Variants in WNK1 observed in about 807,000 individuals in gnomAD.
WNK1 encodes serine/threonine-protein kinase WNK1.
Under a neutral mutation model 222.8 loss-of-function variants are expected in WNK1, and 38 were observed. The ratio of observed to expected loss-of-function variants is 0.17; its 90% CI spans 0.13 to 0.22. The LOEUF is 0.22. Among genes scored for constraint, WNK1 ranks in the 10% least tolerant of loss-of-function variants. WNK1 has a pLI of 1.00. For missense variants in WNK1, 2,348 were observed against 2,918.4 expected (o/e 0.80, Z 4.50); for synonymous variants, 1,090 against 1,092.9 (o/e 1.00, Z 0.05).
At chr12:829,951 A>AACAG in intron 3 of WNK1, 52 bp from the exon 4 acceptor site, 1 of 1,604,894 alleles carries the variant, frequency 6.2e-7, no homozygotes, top group Admixed American at 1.7e-5. Context: ...CCCGGTGAGT[A>AACAG]ACGTCTGAAG....
Position 885,966 on chromosome 12 carries a change from T to C in WNK1, c.5162T>C (p.Val1721Ala), listed in dbSNP as rs2154084721. 1 of 1,592,102 alleles carries C rather than the reference T, an allele frequency of 6.3e-7. No homozygotes were observed. Among genetic ancestry groups the C allele is most frequent in the Admixed American group, 1.7e-5 (1 of 57,238 alleles). ...CCAACCAATTTACCACTAGGAACAG[T>C]TGCTTTGCCAGTTACACCAGTGGTC... ...LPPTNLPLGTVALPVTPVVTP... is the reference protein window; with the variant it reads ...LPPTNLPLGTAALPVTPVVTP... The change falls in exon 19 of 28, where the codon GTT becomes GCT. Residue 1721 changes from valine (V) to alanine (A), a missense_variant. Physicochemically the swap from Val to Ala is moderately conservative, Grantham distance 64 (BLOSUM62 0). Around this residue, in one of 13 missense-constraint regions of WNK1, gnomAD observed 1,144 missense variants for 1,273.6 expected, o/e 0.90. Coordinates refer to ENST00000315939, the MANE Select transcript of WNK1 (RefSeq NM_018979.4).
At position 900,190 on chromosome 12, in the gene WNK1, T is replaced by A. The variant is rs373008236; in HGVS notation, c.6449-286T>A. Among the ~76,000 whole-genome samples the A allele has an allele frequency of 7.2e-5, 11 of 152,080 alleles. No homozygotes were observed. The East Asian group carries it at 7.7e-4, about 11-fold the overall frequency. Reference sequence around the variant, plus strand: ...TAGTAGAGACAGGGTTTCATCATGTTGGCCAGGCTGGTCTCGAACTCCTGA... The same window carrying A: ...TAGTAGAGACAGGGTTTCATCATGTAGGCCAGGCTGGTCTCGAACTCCTGA... On this transcript the variant is annotated intron_variant, in intron 25 of 27. Transcript: ENST00000315939.
At position 754,014 on chromosome 12, in the gene WNK1, G is replaced by C. The variant is rs1326246152; in HGVS notation, c.449G>C (p.Gly150Ala). ...AAAPGEQAVA[G>A]PAPSTVPSST... ...GCCCCTGGGGAACAGGCCGTCGCGG[G>C]CCCTGCCCCCTCGACTGTCCCCAGC... Residue 150 changes from glycine (G) to alanine (A), a missense_variant, in exon 1 of 28, where the codon GGC becomes GCC. Gly to Ala is a moderately conservative substitution (Grantham distance 60). Around this residue, in one of 13 missense-constraint regions of WNK1, gnomAD observed 185 missense variants for 159.2 expected, o/e 1.16. Transcript: ENST00000315939. 2 of 1,587,032 alleles carry C rather than the reference G, an allele frequency of 1.3e-6. No individual in the cohort carries two copies. The highest frequency in any genetic ancestry group is 2.7e-5 in the African/African-American group (2 of 74,314).
chr12:881,683 G>A lies in WNK1; in HGVS notation c.3112-9G>A, dbSNP rs368089909. 22 of 1,608,140 alleles carry A rather than the reference G, an allele frequency of 1.4e-5. No individual in the cohort carries two copies. In the Admixed American group the frequency reaches 1.7e-4, roughly 12 times the overall value. On this transcript the variant is annotated splice_polypyrimidine_tract_variant and intron_variant, in intron 12 of 27. Transcript: ENST00000315939. ...CTACCGAGATTTGAGTTATCTTTTC[G>A]ATTCACAGAGTACTCAGGGAGTCTC... is the stretch of plus-strand genomic sequence containing the variant.
chr12:775,654 C>T (rs1482527069), intron 1 of WNK1, among the ~76,000 whole-genome samples: 1 of 152,064 alleles, frequency 6.6e-6, no homozygotes, highest in Non-Finnish European at 1.5e-5. Context: ...CTAGCCTGGG[C>T]AATAGAGCAA....
chr12:875,709 A>C (rs2154077401), intron 9 of WNK1, among the ~76,000 whole-genome samples: 1 of 152,368 alleles, frequency 6.6e-6, no homozygotes, highest in East Asian at 1.9e-4. Context: ...TACAACTTAG[A>C]TGGAATGTGT....
chr12:885,150 C>G lies in WNK1; in HGVS notation c.4346C>G (p.Pro1449Arg). ...GTTGTTTCTAGTACAGCACTGTATC[C>G]TTCAGTAACAGTTTCAGCAACTTCA... ...EIVVSSTALYPSVTVSATSAS... is the reference protein window; with the variant it reads ...EIVVSSTALYRSVTVSATSAS... Residue 1449 changes from proline (P) to arginine (R), a missense_variant, in exon 19 of 28, where the codon CCT becomes CGT. Around this residue, in one of 13 missense-constraint regions of WNK1, gnomAD observed 1,144 missense variants for 1,273.6 expected, o/e 0.90. Transcript: ENST00000315939. 1 of 1,614,220 alleles carries G rather than the reference C, an allele frequency of 6.2e-7. No individual in the cohort carries two copies. Among genetic ancestry groups the G allele is most frequent in the Non-Finnish European group, 8.5e-7 (1 of 1,180,028 alleles).
chr12:895,254 T>G (rs951819989), intron 23 of WNK1, among the ~76,000 whole-genome samples: 24 of 152,134 alleles, frequency 1.6e-4, no homozygotes, highest in African/African-American at 5.1e-4. Flanking sequence ...GTGGGCTGAG[T>G]TTGTATTTGT....
chr12:829,901 A>G, intron 3 of WNK1, 102 bp from the exon 4 acceptor site: 1 of 1,282,480 alleles, frequency 7.8e-7, no homozygotes, highest in South Asian at 1.2e-5. Context: ...TCCCCATTCC[A>G]ATTTCTTCTC....
At chr12:754,676 A>G (rs1185428327) in intron 1 of WNK1, among the ~76,000 whole-genome samples, 2 of 152,196 alleles carry the variant, frequency 1.3e-5, no homozygotes, top group Admixed American at 6.5e-5. Flanking sequence ...AATCTCATCA[A>G]AGGCTCTGCA....
At position 881,717 on chromosome 12, in the gene WNK1, C is replaced by T. The variant is rs1438201345; in HGVS notation, c.3137C>T (p.Ala1046Val). The change falls in exon 13 of 28, where the codon GCT becomes GTT. Residue 1046 changes from alanine to valine, a missense_variant. Coordinates refer to ENST00000315939, the MANE Select transcript of WNK1 (RefSeq NM_018979.4). ...AGTACTCAGGGAGTCTCTCAGGTTG[C>T]TCCTGCAGAGCCAGTTGCAGTAGCA... ...LESTQGVSQV[A>V]PAEPVAVAQT... The T allele has an allele frequency of 5.6e-6, 9 of 1,614,136 alleles. No individual in the cohort carries two copies. Among genetic ancestry groups the T allele is most frequent in the South Asian group, 2.2e-5 (2 of 91,082 alleles).
rs763608736 is a variant in WNK1, at chr12:897,512, C to T, written c.6279C>T (p.Arg2093=). ...AAGAGATTCAGGACCTGCAGAGTCGCCAGAAGCATGAAATTGAATCTTTGT... is the reference window on the plus strand; with the variant it reads ...AAGAGATTCAGGACCTGCAGAGTCGTCAGAAGCATGAAATTGAATCTTTGT... ...HLKEIQDLQS[R]QKHEIESLYT... is the part of the protein sequence containing the mutation. The change falls in exon 25 of 28, where the codon CGC becomes CGT. Residue 2093 remains arginine (R), a synonymous_variant. Coordinates refer to ENST00000315939, the MANE Select transcript of WNK1 (RefSeq NM_018979.4). 1.9e-6 allele frequency: 3 copies of T among 1,612,104 alleles called. No individual in the cohort carries two copies. The highest frequency in any genetic ancestry group is 3.3e-5 in the Admixed American group (2 of 59,998).
chr12:890,630 G>A, intron 22 of WNK1, 117 bp downstream of exon 22: 1 of 1,027,104 alleles, frequency 9.7e-7, no homozygotes, highest in Non-Finnish European at 1.5e-6. Context: ...AGGAGCATTG[G>A]TAGTAATATC....
At chr12:844,977 G>A (rs1949919904) in intron 4 of WNK1, among the ~76,000 whole-genome samples, 2 of 133,738 alleles carry the variant, frequency 1.5e-5, no homozygotes, top group Non-Finnish European at 3.1e-5. Flanking sequence ...CTCACTGCAA[G>A]CTCCGCCTCC....
rs1177212201 is a variant in WNK1, at chr12:878,276, C to T, written c.2288C>T (p.Ser763Leu). 1 of 1,614,108 alleles carries T rather than the reference C, an allele frequency of 6.2e-7. No homozygotes were observed. The change falls in exon 10 of 28, where the codon TCA becomes TTA. Residue 763 changes from serine to leucine, a missense_variant. By Grantham distance (145) the Ser-to-Leu change is moderately radical. This residue lies in a region of WNK1 where 547 missense variants were observed against 558.3 expected (regional missense o/e 0.98). Transcript: ENST00000315939. ...GTGCAGTATTCACTTTCACAGACAT[C>T]AACCTCCAGTGAGGCCACTACTGCA... is the stretch of plus-strand genomic sequence containing the variant. Reference protein sequence around the residue: ...QTVQYSLSQTSTSSEATTAQP... With the variant: ...QTVQYSLSQTLTSSEATTAQP...
intron 26 of WNK1, among the ~76,000 whole-genome samples, chr12:901,994 A>G (rs1401771346): frequency 1.3e-5 from 2 of 152,080 alleles, no homozygotes; most frequent in African/African-American, 4.8e-5. Flanking sequence ...TGTCTGCCCT[A>G]GCATTAGAAA....
chr12:755,513 CATA>C, intron 1 of WNK1, among the ~76,000 whole-genome samples: 1 of 152,152 alleles, frequency 6.6e-6, no homozygotes, highest in South Asian at 2.1e-4. Flanking sequence ...TCTTTACAAA[CATA>C]ATCATTTCTT....
intron 2 of WNK1, among the ~76,000 whole-genome samples, chr12:826,343 G>A (rs764408648): frequency 1.3e-5 from 2 of 152,208 alleles, no homozygotes; most frequent in Admixed American, 6.5e-5. Flanking sequence ...AGAAAGGTCT[G>A]TTAGACAGCA....
intron 2 of WNK1, among the ~76,000 whole-genome samples, chr12:816,766 AAAG>A (rs1947380687): frequency 6.6e-6 from 1 of 152,232 alleles, no homozygotes; most frequent in Admixed American, 6.5e-5. Flanking sequence ...AACTGTTTCC[AAAG>A]AAGATGACCT....
Sources: allele counts gnomAD v4.1 joint callset (sites outside exome capture counted in the v4.1 genomes callset), GRCh38; gene constraint gnomAD v4.1.1; regional missense constraint gnomAD v4.1.1; transcripts MANE v1.5; gene names NCBI Gene and HGNC (gene_info 2026-07-23, HGNC 2026-07-21).